The following ACCSL variants were observed in gnomAD, a reference collection of about 807,000 sequenced individuals.
The protein encoded by ACCSL is probable inactive 1-aminocyclopropane-1-carboxylate synthase-like protein 2.
ACCSL carries 55 observed loss-of-function variants against 61.7 expected under a neutral mutation model. The ratio of observed to expected loss-of-function variants is 0.89; its 90% CI spans 0.72 to 1.12. The LOEUF is 1.12. ACCSL is among the 50% of genes most tolerant of loss of function. ACCSL has a pLI of 0.00. For missense variants in ACCSL, 632 were observed against 698.0 expected (o/e 0.91, Z 1.07); for synonymous variants, 258 against 264.3 (o/e 0.98, Z 0.23).
chr11:43,951,393 A>G, the ACCSL span, among the ~76,000 whole-genome samples: 5 of 152,326 alleles, frequency 3.3e-5, no homozygotes, highest in East Asian at 7.7e-4. Flanking sequence ...TTGTTTTAGA[A>G]TAGCCCCAAG....
chr11:43,982,979 C>T, the ACCSL span, among the ~76,000 whole-genome samples: 1 of 152,322 alleles, frequency 6.6e-6, no homozygotes, highest in East Asian at 1.9e-4. Flanking sequence ...CCTCCAGCCC[C>T]TAGTCAGTCA....
At chr11:43,970,623 A>AT in the ACCSL span, among the ~76,000 whole-genome samples, 1 of 152,196 alleles carries the variant, frequency 6.6e-6, no homozygotes, top group African/African-American at 2.4e-5. Flanking sequence ...CAATCTGTGA[A>AT]TTTTTTAAAA....
At chr11:43,936,121 C>T in the ACCSL span, among the ~76,000 whole-genome samples, 10 of 152,188 alleles carry the variant, frequency 6.6e-5, no homozygotes, top group African/African-American at 1.4e-4. Context: ...TGTTGATATC[C>T]GCCAAGGTCC....
At chr11:44,022,132 G>GT in the ACCSL span, among the ~76,000 whole-genome samples, 4 of 151,962 alleles carry the variant, frequency 2.6e-5, no homozygotes, top group African/African-American at 7.3e-5. Flanking sequence ...GTTTAGGGTT[G>GT]TTTTTTCTAG....
At chr11:43,922,823 C>G in the ACCSL span, among the ~76,000 whole-genome samples, 1 of 152,160 alleles carries the variant, frequency 6.6e-6, no homozygotes, top group Non-Finnish European at 1.5e-5. Context: ...CTTACCAACA[C>G]CATTACTCCA....
the ACCSL span, chr11:43,974,214 T>C: frequency 6.6e-6 from 1 of 152,270 alleles, no homozygotes; most frequent in Admixed American, 6.5e-5. Flanking sequence ...GCCAGCTATA[T>C]TCATGGACTA....
At chr11:44,021,892 T>C in the ACCSL span, among the ~76,000 whole-genome samples, 1 of 152,186 alleles carries the variant, frequency 6.6e-6, no homozygotes, top group Non-Finnish European at 1.5e-5. Flanking sequence ...CCTCACCTTA[T>C]GTTTTTGTTT....
chr11:43,942,225 G>T, the ACCSL span: 2 of 154,910 alleles, frequency 1.3e-5, no homozygotes, highest in Non-Finnish European at 2.9e-5. Flanking sequence ...AGAACCGGCG[G>T]TGGAATAACC....
At chr11:43,925,183 G>A in the ACCSL span, 2 of 321,904 alleles carry the variant, frequency 6.2e-6, no homozygotes, top group Non-Finnish European at 1.3e-5. Flanking sequence ...GAGGAGGGGT[G>A]CAGAGAGGAG....
At chr11:43,937,088 T>C in the ACCSL span, among the ~76,000 whole-genome samples, 1 of 151,994 alleles carries the variant, frequency 6.6e-6, no homozygotes, top group African/African-American at 2.4e-5. Flanking sequence ...GCCTCAGAAT[T>C]TGGGGTCCAG....
the ACCSL span, among the ~76,000 whole-genome samples, chr11:43,997,133 A>G: frequency 1.3e-5 from 2 of 150,136 alleles, no homozygotes; most frequent in Non-Finnish European, 3.0e-5. Flanking sequence ...ATTTCACATT[A>G]TACTCATGTG....
chr11:43,992,648 A>AGTGAAAGGT, the ACCSL span, among the ~76,000 whole-genome samples: 4 of 139,656 alleles, frequency 2.9e-5, no homozygotes, highest in African/African-American at 9.8e-5. Flanking sequence ...AGGTATGATC[A>AGTGAAAGGT]ATGTTAGAGA....
the ACCSL span, among the ~76,000 whole-genome samples, chr11:43,982,272 G>A: frequency 7.3e-6 from 1 of 136,940 alleles, no homozygotes; most frequent in Non-Finnish European, 1.5e-5. Flanking sequence ...CTGTTGCCCA[G>A]GCTGGAGTGC....
In ACCSL at chr11:44,048,198, G is replaced by T; in HGVS notation, c.162G>T (p.Ser54=). ...AGCTGACGAGCAGACAGGGCCTGTC[G>T]CTGGAGGAAAGGAGGCACACTGAGG... ...FVQLTSRQGL[S]LEERRHTEAI... is the part of the protein sequence containing the mutation. The change falls in exon 1 of 14, where the codon TCG becomes TCT. Residue 54 remains serine, a synonymous_variant. Transcript: ENST00000378832. 6.2e-7 allele frequency: 1 copy of T among 1,614,154 alleles called. No individual in the cohort carries two copies. The highest frequency in any genetic ancestry group is 1.1e-5 in the South Asian group (1 of 91,086).
chr11:43,980,033 A>G, the ACCSL span, among the ~76,000 whole-genome samples: 5 of 152,304 alleles, frequency 3.3e-5, no homozygotes, highest in African/African-American at 9.6e-5. Flanking sequence ...TATAAAAAGT[A>G]TCACTTAATC....
At chr11:43,940,040 C>G in the ACCSL span, among the ~76,000 whole-genome samples, 2 of 152,218 alleles carry the variant, frequency 1.3e-5, no homozygotes, top group African/African-American at 4.8e-5. Context: ...CTAATCCAAG[C>G]CTTCAGTGTT....
chr11:43,954,758 A>G, the ACCSL span, among the ~76,000 whole-genome samples: 1 of 151,568 alleles, frequency 6.6e-6, no homozygotes, highest in African/African-American at 2.4e-5. Flanking sequence ...CTAATTTTGT[A>G]TTTTTTAGTA....
the ACCSL span, among the ~76,000 whole-genome samples, chr11:43,971,884 C>T: frequency 6.6e-6 from 1 of 152,186 alleles, no homozygotes; most frequent in African/African-American, 2.4e-5. Context: ...CTCACCAGTG[C>T]TCCCTGACAG....
At chr11:43,967,167 C>CTTTTTTTTTTTTTTTTTTTT in the ACCSL span, among the ~76,000 whole-genome samples, 28 of 62,708 alleles carry the variant, frequency 4.5e-4, 7 homozygotes, top group East Asian at 2.3e-3. Flanking sequence ...TCTTCTTCTT[C>CTTTTTTTTTTTTTTTTTTTT]TTTTTTTTTT....
Sources: gnomAD v4.1 joint callset for allele counts (sites outside exome capture counted in the v4.1 genomes callset) on GRCh38, gnomAD v4.1.1 for gene constraint, MANE v1.5 for transcripts, NCBI Gene and HGNC (gene_info 2026-07-23, HGNC 2026-07-21) for gene names.